Variants in ERO1B observed in about 807,000 individuals in gnomAD.
ERO1B encodes the protein endoplasmic reticulum oxidoreductase 1 beta, also known as ERO1-like protein beta.
In ERO1B, 49 loss-of-function variants were observed where a neutral mutation model predicts 75.3. The observed-to-expected ratio is 0.65, with a 90% confidence interval of 0.52 to 0.83. The LOEUF is 0.83. Among genes scored for constraint, ERO1B ranks in the 40% least tolerant of loss-of-function variants. ERO1B has a pLI of 0.00. For missense variants in ERO1B, 512 were observed against 560.1 expected (o/e 0.91, Z 0.87); for synonymous variants, 191 against 192.9 (o/e 0.99, Z 0.08).
chr1:236,268,476 G>A (rs2102964859), intron 2 of ERO1B, among the ~76,000 whole-genome samples: 1 of 151,996 alleles, frequency 6.6e-6, no homozygotes, highest in Non-Finnish European at 1.5e-5. Context: ...GCTGACGTAA[G>A]CCTAGAAAAC....
chr1:236,232,507 CT>C (rs1664432614), intron 9 of ERO1B, among the ~76,000 whole-genome samples: 1 of 152,090 alleles, frequency 6.6e-6, no homozygotes, highest in South Asian at 2.1e-4. Flanking sequence ...GACAAATTAT[CT>C]GGTAAAACTA....
chr1:236,249,758 T>C (rs938614442), intron 5 of ERO1B, 127 bp downstream of exon 5: 9 of 645,256 alleles, frequency 1.4e-5, no homozygotes, highest in African/African-American at 1.1e-4. Flanking sequence ...AGAAAAACTT[T>C]TTCTTCCTTT....
At chr1:236,253,333 T>C (rs913825019) in intron 3 of ERO1B, 89 bp downstream of exon 3, 31 of 758,850 alleles carry the variant, frequency 4.1e-5, no homozygotes, top group Non-Finnish European at 6.2e-5. Context: ...TCCAAATCCA[T>C]TGACATTAGC....
At chr1:236,220,731 TGTCAACAAAACAAACCCTAC>T in intron 15 of ERO1B, 81 bp downstream of exon 15, 1 of 1,301,930 alleles carries the variant, frequency 7.7e-7, no homozygotes, top group Non-Finnish European at 1.0e-6. Context: ...AATTTTTTTT[TGTCAACAAAACAAACCCTAC>T]TTTTAGCAAA....
At chr1:236,226,779 A>G in intron 10 of ERO1B, 40 bp from the exon 11 acceptor site, 2 of 1,474,224 alleles carry the variant, frequency 1.4e-6, no homozygotes, top group Non-Finnish European at 1.9e-6. Context: ...ACACCTATTT[A>G]GATATCAGAA....
intron 13 of ERO1B, among the ~76,000 whole-genome samples, chr1:236,224,421 GC>G (rs1366001977): frequency 2.0e-5 from 3 of 150,822 alleles, no homozygotes; most frequent in African/African-American, 7.3e-5. Context: ...TTTGAGACCA[GC>G]CTGGGCAACA....
intron 14 of ERO1B, 80 bp downstream of exon 14, chr1:236,221,844 G>T: frequency 9.7e-7 from 1 of 1,034,778 alleles, no homozygotes; most frequent in South Asian, 1.4e-5. Context: ...GAACAATGAG[G>T]ACATTTTAAT....
intron 6 of ERO1B, among the ~76,000 whole-genome samples, chr1:236,239,986 C>T (rs999917102): frequency 1.3e-5 from 2 of 148,188 alleles, no homozygotes; most frequent in African/African-American, 5.0e-5. Context: ...CTCAATGCAA[C>T]CTCTGCCTGT....
intron 8 of ERO1B, among the ~76,000 whole-genome samples, chr1:236,233,532 AG>A (rs1434693108): frequency 1.3e-5 from 2 of 151,108 alleles, no homozygotes; most frequent in African/African-American, 2.4e-5. Flanking sequence ...CAGGAGGCGG[AG>A]GTTGCAGTGA....
At chr1:236,224,574 G>A (rs58859881) in intron 13 of ERO1B, among the ~76,000 whole-genome samples, 2,927 of 152,008 alleles carry the variant, frequency 0.019, 87 homozygotes, top group African/African-American at 0.067. Flanking sequence ...CACCTAACAT[G>A]AAGTTTGGTA....
At chr1:236,242,279 C>T (rs938734473) in intron 6 of ERO1B, among the ~76,000 whole-genome samples, 4 of 152,078 alleles carry the variant, frequency 2.6e-5, no homozygotes, top group Non-Finnish European at 5.9e-5. Context: ...GGTAAATGGA[C>T]AATTTAGAAA....
intron 3 of ERO1B, 93 bp from the exon 4 acceptor site, chr1:236,252,184 T>A: frequency 1.3e-6 from 1 of 787,530 alleles, no homozygotes; most frequent in Non-Finnish European, 2.2e-6. Context: ...CTCTATTTCA[T>A]CAAGCATTTT....
intron 2 of ERO1B, among the ~76,000 whole-genome samples, chr1:236,264,187 A>G (rs974533355): frequency 2.2e-4 from 34 of 151,796 alleles, no homozygotes; most frequent in African/African-American, 8.2e-4. Context: ...TGCAACCTCT[A>G]CCTCCTGGGT....
At chr1:236,248,479 TA>T (rs1231089929) in intron 5 of ERO1B, among the ~76,000 whole-genome samples, 1 of 152,192 alleles carries the variant, frequency 6.6e-6, no homozygotes, top group Non-Finnish European at 1.5e-5. Context: ...TTTGTAAAAG[TA>T]AATAATTGGA....
chr1:236,238,283 GA>G (rs1341900739), intron 6 of ERO1B, among the ~76,000 whole-genome samples: 1 of 152,102 alleles, frequency 6.6e-6, no homozygotes, highest in Admixed American at 6.6e-5. Context: ...CAGATGGATA[GA>G]AAAAACTGTC....
chr1:236,232,378 C>A (rs1664430181), intron 9 of ERO1B, among the ~76,000 whole-genome samples: 1 of 152,148 alleles, frequency 6.6e-6, no homozygotes, highest in Non-Finnish European at 1.5e-5. Flanking sequence ...TTGGGGGTAT[C>A]TTTTAACCAA....
chr1:236,268,683 A>C (rs10924906), intron 2 of ERO1B, among the ~76,000 whole-genome samples: 2 of 150,886 alleles, frequency 1.3e-5, no homozygotes, highest in East Asian at 2.0e-4. Context: ...TCAGGAGATC[A>C]AGACCATCCT....
intron 2 of ERO1B, among the ~76,000 whole-genome samples, chr1:236,258,887 T>G (rs1463920116): frequency 1.3e-5 from 2 of 152,050 alleles, no homozygotes; most frequent in Non-Finnish European, 2.9e-5. Context: ...AGACTCCATC[T>G]CAAACATAAA....
At chr1:236,262,302 A>T (rs961969338) in intron 2 of ERO1B, among the ~76,000 whole-genome samples, 5 of 152,362 alleles carry the variant, frequency 3.3e-5, no homozygotes, top group Non-Finnish European at 7.3e-5. Flanking sequence ...CAGGAATGAA[A>T]CTGGATCCTT....
Sources: allele counts gnomAD v4.1 joint callset (sites outside exome capture counted in the v4.1 genomes callset), GRCh38; gene constraint gnomAD v4.1.1; transcripts MANE v1.5; gene names NCBI Gene and HGNC (gene_info 2026-07-23, HGNC 2026-07-21).